Variants in ATP10B observed in about 807,000 individuals in gnomAD.
ATP10B encodes the protein ATPase phospholipid transporting 10B (putative).
ATP10B carries 122 observed loss-of-function variants against 141.2 expected under a neutral mutation model. The observed-to-expected ratio is 0.86, with a 90% CI of 0.75 to 1.00. ATP10B has a LOEUF of 1.00. Among genes scored for constraint, ATP10B ranks in the 50% least tolerant of loss-of-function variants. The pLI is 0.00. For missense variants in ATP10B, 1,876 were observed against 1,825.3 expected (o/e 1.03, Z -0.51); for synonymous variants, 685 against 692.0 (o/e 0.99, Z 0.16).
chr5:160,815,554 C>A (rs534661919), intron 1 of ATP10B, among the ~76,000 whole-genome samples: 20 of 142,294 alleles, frequency 1.4e-4, no homozygotes, highest in Non-Finnish European at 2.7e-4. Flanking sequence ...TAGACTCCCA[C>A]ACAATAATAA....
the ATP10B span, among the ~76,000 whole-genome samples, chr5:160,926,941 T>C: frequency 6.6e-6 from 1 of 152,254 alleles, no homozygotes. Context: ...GAGCAAGAGC[T>C]GTATTGTGCT....
At chr5:160,788,840 A>G (rs888273914) in intron 1 of ATP10B, among the ~76,000 whole-genome samples, 1 of 152,098 alleles carries the variant, frequency 6.6e-6, no homozygotes, top group African/African-American at 2.4e-5. Flanking sequence ...CTATCCATCC[A>G]CCATCCATCC....
chr5:160,791,791 TAC>T (rs1382427401), intron 1 of ATP10B, among the ~76,000 whole-genome samples: 6 of 152,082 alleles, frequency 3.9e-5, no homozygotes, highest in Admixed American at 3.9e-4. Context: ...AGGAGGACAA[TAC>T]ACTCAACTAA....
At chr5:160,878,607 A>C in the ATP10B span, among the ~76,000 whole-genome samples, 47 of 152,086 alleles carry the variant, frequency 3.1e-4, no homozygotes, top group Middle Eastern at 3.4e-3. Flanking sequence ...CAACCTACAA[A>C]ATGGGAGAAA....
At chr5:160,643,280 A>G (rs757315529) in intron 9 of ATP10B, among the ~76,000 whole-genome samples, 18 of 152,206 alleles carry the variant, frequency 1.2e-4, no homozygotes, top group Non-Finnish European at 2.2e-4. Context: ...ATGGAGACCA[A>G]ACCAAACAAA....
At chr5:160,641,658 A>G (rs1414203461) in intron 9 of ATP10B, among the ~76,000 whole-genome samples, 1 of 152,202 alleles carries the variant, frequency 6.6e-6, no homozygotes, top group East Asian at 1.9e-4. Context: ...TAAGAGTCAA[A>G]CTGAGACTTT....
At chr5:160,609,166 A>G (rs888756840) in intron 18 of ATP10B, among the ~76,000 whole-genome samples, 4 of 152,138 alleles carry the variant, frequency 2.6e-5, no homozygotes, top group Non-Finnish European at 4.4e-5. Flanking sequence ...TTCTTCATCC[A>G]TGGCAAGGGA....
At chr5:160,770,491 A>G (rs1265497839) in intron 2 of ATP10B, among the ~76,000 whole-genome samples, 1 of 152,096 alleles carries the variant, frequency 6.6e-6, no homozygotes, top group Non-Finnish European at 1.5e-5. Context: ...ATTGAATTCC[A>G]TGGTACTCTC....
intron 1 of ATP10B, among the ~76,000 whole-genome samples, chr5:160,841,505 A>G (rs1433692048): frequency 3.3e-5 from 5 of 152,150 alleles, no homozygotes; most frequent in Non-Finnish European, 7.4e-5. Flanking sequence ...ATGTTTTTGT[A>G]TAATTTTGAT....
rs1427734085 is a variant in ATP10B at position 160,602,542 on chromosome 5, A to T, written c.3363+35T>A. On this transcript the variant is annotated intron_variant, in intron 21 of 25. Coordinates refer to ENST00000327245, the MANE Select transcript of ATP10B (RefSeq NM_025153.3). ...TCTGGCCCCGTGGCAAGGCCTGCCA[A>T]AGCCCTGGGTGAGAGGACGCCATAG... is the stretch of plus-strand genomic sequence containing the variant. 2.5e-6 allele frequency: 4 copies of T among 1,612,586 alleles called. No individual in the cohort carries two copies. The Admixed American group carries it at 6.7e-5, about 27-fold the overall frequency.
intron 8 of ATP10B, among the ~76,000 whole-genome samples, chr5:160,644,934 G>T (rs1760164966): frequency 6.6e-6 from 1 of 152,058 alleles, no homozygotes; most frequent in African/African-American, 2.4e-5. Flanking sequence ...TGGCCAACAT[G>T]GTGAAACCCC....
intron 2 of ATP10B, among the ~76,000 whole-genome samples, chr5:160,773,049 A>T (rs1206107810): frequency 1.5e-5 from 2 of 135,262 alleles, no homozygotes; most frequent in African/African-American, 5.5e-5. Context: ...AATCAGGAAC[A>T]CCAAGGGTGT....
chr5:160,865,874 C>G, the ATP10B span, among the ~76,000 whole-genome samples: 1 of 152,146 alleles, frequency 6.6e-6, no homozygotes, highest in Non-Finnish European at 1.5e-5. Flanking sequence ...TACCACTTTA[C>G]TCCTGCACAA....
chr5:160,881,092 G>A, the ATP10B span, among the ~76,000 whole-genome samples: 1 of 152,062 alleles, frequency 6.6e-6, no homozygotes, highest in Non-Finnish European at 1.5e-5. Flanking sequence ...AAATCAACAA[G>A]AAAGCAAGCA....
At chr5:160,756,990 C>G (rs1768668610) in intron 2 of ATP10B, among the ~76,000 whole-genome samples, 1 of 151,832 alleles carries the variant, frequency 6.6e-6, no homozygotes, top group Admixed American at 6.6e-5. Flanking sequence ...ACAGTTCACG[C>G]TTTCTTGTTG....
Position 160,688,784 on chromosome 5 carries a change from G to A in ATP10B, c.-45C>T, listed in dbSNP as rs1267836446. 1 of 985,328 alleles carries A rather than the reference G, an allele frequency of 1.0e-6. No individual in the cohort carries two copies. Among genetic ancestry groups the A allele is most frequent in the East Asian group, 1.1e-4 (1 of 8,832 alleles). The allele number at this position is 985,328 out of a possible 1,614,324, so 61.0% of individuals were successfully genotyped here. On this transcript the variant is annotated 5_prime_UTR_variant, in exon 4 of 26. Transcript: ENST00000327245. ...CCTGTGGCCGGAACCTCAAAGGAGAGTGATAAGTAGAATAGATGGGAGAGG... is the reference window on the plus strand; with the variant it reads ...CCTGTGGCCGGAACCTCAAAGGAGAATGATAAGTAGAATAGATGGGAGAGG...
the ATP10B span, among the ~76,000 whole-genome samples, chr5:160,926,651 A>G: frequency 6.6e-6 from 1 of 152,236 alleles, no homozygotes; most frequent in East Asian, 1.9e-4. Context: ...AACCACCAGC[A>G]TGTGAAATAC....
In ATP10B at chr5:160,812,014, CAGAGACAG is replaced by C. The variant is rs1282606871; in HGVS notation, c.-575-26219_-575-26212del. Among the ~76,000 whole-genome samples the C allele has an allele frequency of 2.3e-3, 277 of 118,010 alleles. 1 individual carries two copies. The highest frequency in any genetic ancestry group is 8.5e-3 in the Middle Eastern group (2 of 236). 77.4% of individuals were successfully genotyped at this position (118,010 alleles called of 152,430 possible). A position where few individuals can be genotyped will look rare whatever the true frequency, so the allele number is the denominator to read the frequency against. On this transcript the variant is annotated intron_variant, in intron 1 of 25. Coordinates refer to ENST00000327245, the MANE Select transcript of ATP10B (RefSeq NM_025153.3). ...CTGAACAGAGAGACAGAGACAGAGA[CAGAGACAG>C]AGAGAGAGAGAGAGAGAGAGAGAGA...
At chr5:160,761,538 G>C (rs1769045390) in intron 2 of ATP10B, among the ~76,000 whole-genome samples, 1 of 152,206 alleles carries the variant, frequency 6.6e-6, no homozygotes, top group East Asian at 1.9e-4. Context: ...AAGCAGGAGA[G>C]CACCACATCA....
Sources: gnomAD v4.1 joint callset for allele counts (sites outside exome capture counted in the v4.1 genomes callset) on GRCh38, gnomAD v4.1.1 for gene constraint, MANE v1.5 for transcripts, NCBI Gene and HGNC (gene_info 2026-07-23, HGNC 2026-07-21) for gene names.